SLC29A4: variants seen among roughly 807,000 people sequenced by gnomAD.
SLC29A4 encodes equilibrative nucleoside transporter 4.
Under a neutral mutation model 43.9 loss-of-function variants are expected in SLC29A4, and 36 were observed. The ratio of observed to expected loss-of-function variants is 0.82; its 90% CI spans 0.63 to 1.08. The LOEUF is 1.08. SLC29A4 is among the 50% of genes least tolerant of loss of function. SLC29A4 has a pLI of 0.00. For missense variants in SLC29A4, 869 were observed against 755.3 expected (o/e 1.15, Z -1.77); for synonymous variants, 491 against 338.0 (o/e 1.45, Z -4.97).
chr7:5,297,857 C>T (rs1034493675), intron 7 of SLC29A4, among the ~76,000 whole-genome samples: 5 of 152,164 alleles, frequency 3.3e-5, no homozygotes, highest in African/African-American at 9.7e-5. Context: ...TGTCATAGCA[C>T]AGAGGCACTG....
intron 1 of SLC29A4, among the ~76,000 whole-genome samples, chr7:5,284,312 G>T (rs1365554438): frequency 6.6e-6 from 1 of 152,134 alleles, no homozygotes; most frequent in African/African-American, 2.4e-5. Flanking sequence ...TTGTGCAACT[G>T]TTGAATGCCT....
At chr7:5,296,915 C>T (rs1785717909) in intron 6 of SLC29A4, 21 bp from the exon 7 acceptor site, 2 of 1,571,598 alleles carry the variant, frequency 1.3e-6, no homozygotes, top group Non-Finnish European at 8.6e-7. Context: ...CAGGCCCCGG[C>T]CCACTGTGCA....
intron 6 of SLC29A4, among the ~76,000 whole-genome samples, 191 bp downstream of exon 6, chr7:5,295,125 C>A (rs1785563430): frequency 6.6e-6 from 1 of 152,148 alleles, no homozygotes; most frequent in Non-Finnish European, 1.5e-5. Context: ...TGCACTCCCA[C>A]ATGGGAGGGA....
chr7:5,299,063 G>A lies in SLC29A4; in HGVS notation c.958G>A (p.Gly320Arg), dbSNP rs763353103. ...AGCCCACGAGGTGACCGGCAGCGGC[G>A]GGGCCTACATGCGCTTTGATGTGCC... is the stretch of plus-strand genomic sequence containing the variant. ...SPAHEVTGSG[G>R]AYMRFDVPRP... The change falls in exon 8 of 11, where the codon GGG (glycine) becomes AGG (arginine). Residue 320 changes from glycine to arginine, a missense_variant. By Grantham distance (125) the Gly-to-Arg change is moderately radical. Transcript: ENST00000396872. 1.7e-4 allele frequency: 273 copies of A among 1,611,078 alleles called. No individual in the cohort carries two copies. The highest frequency in any genetic ancestry group is 2.1e-4 in the Non-Finnish European group (245 of 1,179,628).
chr7:5,292,373 C>G (rs1785362503), intron 5 of SLC29A4, among the ~76,000 whole-genome samples: 1 of 152,166 alleles, frequency 6.6e-6, no homozygotes, highest in African/African-American at 2.4e-5. Flanking sequence ...CTCGGTCTTC[C>G]AAAGTGCTGG....
chr7:5,292,847 C>T (rs1346483459), intron 5 of SLC29A4, among the ~76,000 whole-genome samples: 25 of 151,122 alleles, frequency 1.7e-4, no homozygotes, highest in African/African-American at 5.1e-4. Flanking sequence ...TACAGGTGCC[C>T]GCCACCATGC....
At position 5,299,084 on chromosome 7, in the gene SLC29A4, G is replaced by T. The variant is rs778220755; in HGVS notation, c.979G>T (p.Val327Leu). 1.2e-6 allele frequency: 2 copies of T among 1,610,426 alleles called. No individual in the cohort carries two copies. Among genetic ancestry groups the T allele is most frequent in the Non-Finnish European group, 1.7e-6 (2 of 1,179,422 alleles). ...GSGGAYMRFDVPRPRVQRSWP... is the reference protein window; with the variant it reads ...GSGGAYMRFDLPRPRVQRSWP... ...CGGCGGGGCCTACATGCGCTTTGAT[G>T]TGCCGCGGCCAAGGGTCCAGCGCAG... Residue 327 changes from valine (V) to leucine (L), a missense_variant, in exon 8 of 11, where the codon GTG becomes TTG. Transcript: ENST00000396872.
chr7:5,287,736 A>G, intron 1 of SLC29A4, 73 bp from the exon 2 acceptor site: 1 of 1,453,234 alleles, frequency 6.9e-7, no homozygotes, highest in East Asian at 2.4e-5. Flanking sequence ...TAGAAGCTTT[A>G]TGGGTCAGTG....
chr7:5,292,504 G>A (rs113247133), intron 5 of SLC29A4, among the ~76,000 whole-genome samples: 1 of 151,670 alleles, frequency 6.6e-6, no homozygotes, highest in Non-Finnish European at 1.5e-5. Context: ...AGTCCCATAC[G>A]AGCACTCTCT....
Position 5,299,044 on chromosome 7 carries a change from C to G in SLC29A4, c.939C>G (p.His313Gln), listed in dbSNP as rs749338311. The G allele has an allele frequency of 6.2e-7, 1 of 1,612,222 alleles. No homozygotes were observed. Among genetic ancestry groups the G allele is most frequent in the East Asian group, 2.2e-5 (1 of 44,870 alleles). The change falls in exon 8 of 11, where the codon CAC (histidine) becomes CAG (glutamine). Residue 313 changes from histidine to glutamine, a missense_variant. Coordinates refer to ENST00000396872, the MANE Select transcript of SLC29A4 (RefSeq NM_153247.4). Reference protein sequence around the residue: ...PNESPKDSPAHEVTGSGGAYM... With the variant: ...PNESPKDSPAQEVTGSGGAYM... ...AGTCCCCAAAGGACAGCCCAGCCCA[C>G]GAGGTGACCGGCAGCGGCGGGGCCT... is the stretch of plus-strand genomic sequence containing the variant.
Position 5,302,992 on chromosome 7 carries a change from G to C in SLC29A4, c.*53G>C, listed in dbSNP as rs937670280. The C allele has an allele frequency of 4.5e-6, 7 of 1,564,036 alleles. No homozygotes were observed. The African/African-American group carries it at 9.5e-5, about 21-fold the overall frequency. On this transcript the variant is annotated 3_prime_UTR_variant, in exon 11 of 11. Transcript: ENST00000396872. ...CGAGGGCCTGACCAGGGGCCCCGAG[G>C]CCTGAGGGCCCCTCCCCTGTCCCCA...
chr7:5,305,604 C>T lies in SLC29A4; in HGVS notation c.*2665C>T, dbSNP rs1786446494. Reference sequence around the variant, plus strand: ...AGGAGTTTCGCTTTTGTTGCCCAGGCTGGAGTGCAATGGCTCGATTTCAGC... The same window carrying T: ...AGGAGTTTCGCTTTTGTTGCCCAGGTTGGAGTGCAATGGCTCGATTTCAGC... On this transcript the variant is annotated 3_prime_UTR_variant, in exon 11 of 11. Coordinates refer to ENST00000396872, the MANE Select transcript of SLC29A4 (RefSeq NM_153247.4). The T allele has an allele frequency of 1.5e-5, 2 of 133,744 alleles. No individual in the cohort carries two copies. Among genetic ancestry groups the T allele is most frequent in the Admixed American group, 1.7e-4 (2 of 11,448 alleles). 8.3% of individuals were successfully genotyped at this position (133,744 alleles called of 1,614,324 possible).
At chr7:5,290,616 C>A in intron 2 of SLC29A4, 116 bp from the exon 3 acceptor site, 1 of 1,358,018 alleles carries the variant, frequency 7.4e-7, no homozygotes, top group South Asian at 1.4e-5. Flanking sequence ...GAGCAGGGGT[C>A]ACGGTGATGG....
At chr7:5,286,722 C>A (rs556654816) in intron 1 of SLC29A4, among the ~76,000 whole-genome samples, 225 of 152,178 alleles carry the variant, frequency 1.5e-3, no homozygotes, top group Non-Finnish European at 2.7e-3. Context: ...GAACTTCCCG[C>A]CATAAGGGTG....
rs977691056 is a variant in SLC29A4, at chr7:5,303,303, G to C, written c.*364G>C. The stretch of plus-strand genomic sequence containing the variant: ...ACAGCAGACACCCGCCAGAGTGTGC[G>C]CGCCCAGTGACTGCACCCCGGCCCT... On this transcript the variant is annotated 3_prime_UTR_variant, in exon 11 of 11. Transcript: ENST00000396872. The C allele has an allele frequency of 3.1e-6, 1 of 326,806 alleles. No homozygotes were observed. The highest frequency in any genetic ancestry group is 9.4e-4 in the Middle Eastern group (1 of 1,068). 20.2% of individuals were successfully genotyped at this position (326,806 alleles called of 1,614,324 possible).
intron 5 of SLC29A4, among the ~76,000 whole-genome samples, chr7:5,292,690 C>CTTTTTTTTTTTTTTTTTTTTTTT (rs1056329272): frequency 1.5e-5 from 1 of 67,402 alleles, no homozygotes; most frequent in Non-Finnish European, 2.6e-5. Flanking sequence ...CATTTTTTTC[C>CTTTTTTTTTTTTTTTTTTTTTTT]TTTTTTTTTT....
chr7:5,294,869 C>A lies in SLC29A4; in HGVS notation c.554C>A (p.Ser185Tyr), dbSNP rs768708378. Residue 185 changes from serine to tyrosine, a missense_variant, in exon 6 of 11, where the codon TCC becomes TAC. By Grantham distance (144) the Ser-to-Tyr change is moderately radical. Coordinates refer to ENST00000396872, the MANE Select transcript of SLC29A4 (RefSeq NM_153247.4). ...TVAFGCTVQQSSFYGYTGMLP... is the reference protein window; with the variant it reads ...TVAFGCTVQQYSFYGYTGMLP... ...CTCTCTCTCTCTTAAGTGCAGCAAT[C>A]CAGCTTCTACGGGTACACGGGGATG... is the stretch of plus-strand genomic sequence containing the variant. 1 of 1,612,498 alleles carries A rather than the reference C, an allele frequency of 6.2e-7. No individual in the cohort carries two copies. The highest frequency in any genetic ancestry group is 1.7e-5 in the Admixed American group (1 of 59,954).
chr7:5,300,754 C>T (rs565740532), intron 10 of SLC29A4, 92 bp downstream of exon 10: 2 of 1,503,118 alleles, frequency 1.3e-6, no homozygotes, highest in Non-Finnish European at 1.8e-6. Context: ...CAGGAAGGTG[C>T]ATTTGGGTTC....
chr7:5,293,494 T>C (rs1396256361), intron 5 of SLC29A4, among the ~76,000 whole-genome samples: 1 of 152,168 alleles, frequency 6.6e-6, no homozygotes, highest in African/African-American at 2.4e-5. Context: ...TCAAACTCTT[T>C]TTGACCATGA....
Sources: allele counts gnomAD v4.1 joint callset (sites outside exome capture counted in the v4.1 genomes callset), GRCh38; gene constraint gnomAD v4.1.1; transcripts MANE v1.5; gene names NCBI Gene and HGNC (gene_info 2026-07-23, HGNC 2026-07-21).